DOCK6: variants seen among roughly 807,000 people sequenced by gnomAD.
The protein encoded by DOCK6 is dedicator of cytokinesis protein 6.
In DOCK6, 167 loss-of-function variants were observed where a neutral mutation model predicts 230.3. The observed-to-expected ratio is 0.73, with a 90% confidence interval of 0.64 to 0.82. The LOEUF (loss-of-function observed/expected upper bound fraction) is 0.82. DOCK6 is among the 40% of genes least tolerant of loss of function. DOCK6 has a pLI of 0.00. For synonymous variants in DOCK6, 1,148 were observed against 1,185.0 expected (o/e 0.97, Z 0.64); for missense variants, 2,598 against 2,825.8 (o/e 0.92, Z 1.83).
rs1407959075 is a variant in DOCK6 at position 11,227,330 on chromosome 19, C to T, written c.2955+7G>A. The T allele has an allele frequency of 1.2e-6, 2 of 1,613,494 alleles. No individual in the cohort carries two copies. Among genetic ancestry groups the T allele is most frequent in the Non-Finnish European group, 1.7e-6 (2 of 1,179,602 alleles). On this transcript the variant is annotated splice_region_variant and intron_variant, in intron 24 of 47. Transcript: ENST00000294618. ...TTCTTCCCACATTGAGACCCTGCAT[C>T]TCTCACCTTGTGGACACGGGTGATG...
chr19:11,242,856 T>G (rs990613273), intron 13 of DOCK6, among the ~76,000 whole-genome samples: 1 of 152,162 alleles, frequency 6.6e-6, no homozygotes, highest in African/African-American at 2.4e-5. Context: ...TAACCACCTA[T>G]TGACGCTGTA....
chr19:11,243,532 A>C lies in DOCK6; in HGVS notation c.1258+25T>G, dbSNP rs1399549869. ...CAGCACCACCCTTTAGCCCCGCCCC[A>C]AGCCTGTTAGCCCCGCCTCCTCACC... is the stretch of plus-strand genomic sequence containing the variant. On this transcript the variant is annotated intron_variant, in intron 11 of 47. Transcript: ENST00000294618. The surrounding 1 kb of genome is among the most constrained non-coding windows in gnomAD (Gnocchi z 6.3). The C allele has an allele frequency of 6.4e-7, 1 of 1,574,220 alleles. No homozygotes were observed. Among genetic ancestry groups the C allele is most frequent in the Non-Finnish European group, 8.6e-7 (1 of 1,162,736 alleles).
At chr19:11,238,960 T>C (rs1320309520) in intron 14 of DOCK6, 1 of 154,856 alleles carries the variant, frequency 6.5e-6, no homozygotes, top group East Asian at 1.9e-4. Flanking sequence ...TCGCGCCTAC[T>C]GTGTGCCAGG....
chr19:11,214,358 C>A lies in DOCK6; in HGVS notation c.4255G>T (p.Val1419Phe), dbSNP rs1416156485. ...RESVLGAVLK[V>F]VLYSLGSAQS... ...GCACTGCCCAGGCTGTACAGCACAACCTTCAGCACTGCCCCCAAGACGCTC... is the reference window on the plus strand; with the variant it reads ...GCACTGCCCAGGCTGTACAGCACAAACTTCAGCACTGCCCCCAAGACGCTC... The change falls in exon 34 of 48, where the codon GTT (valine) becomes TTT (phenylalanine). Residue 1419 changes from valine (V) to phenylalanine (F), a missense_variant. Transcript: ENST00000294618. 6.2e-7 allele frequency: 1 copy of A among 1,613,696 alleles called. No individual in the cohort carries two copies. The highest frequency in any genetic ancestry group is 8.5e-7 in the Non-Finnish European group (1 of 1,179,862).
At chr19:11,219,154 G>GGCAT (rs1260659717) in intron 28 of DOCK6, among the ~76,000 whole-genome samples, 1 of 145,032 alleles carries the variant, frequency 6.9e-6, no homozygotes, top group Non-Finnish European at 1.5e-5. Flanking sequence ...TGAGATTACA[G>GGCAT]GCATGAGCCA....
chr19:11,235,698 G>C lies in DOCK6; in HGVS notation c.2454C>G (p.Ser818Arg), dbSNP rs760999714. ...CGCGGGCATCCTGGGCTGCCTCCAG[G>C]CTCCGGTGAACAAGGCTGACTACAT... ...MAHVVSLVHR[S>R]LEAAQDARGH... Residue 818 changes from serine to arginine, a missense_variant, in exon 21 of 48, where the codon AGC becomes AGG. Physicochemically the swap from Ser to Arg is moderately radical, Grantham distance 110. Transcript: ENST00000294618. 46 of 1,601,094 alleles carry C rather than the reference G, an allele frequency of 2.9e-5. No homozygotes were observed. The highest frequency in any genetic ancestry group is 3.7e-5 in the Non-Finnish European group (43 of 1,173,806).
At chr19:11,216,551 G>T (rs11085764) in intron 30 of DOCK6, 1 of 234,374 alleles carries the variant, frequency 4.3e-6, no homozygotes, top group African/African-American at 2.3e-5. Flanking sequence ...GGGACTACAG[G>T]TGCGCGCCAC....
At chr19:11,218,455 T>C (rs1486534042) in intron 28 of DOCK6, among the ~76,000 whole-genome samples, 1 of 151,934 alleles carries the variant, frequency 6.6e-6, no homozygotes, top group Non-Finnish European at 1.5e-5. Flanking sequence ...CCAATTTTAT[T>C]TTATTTTTTT....
intron 41 of DOCK6, chr19:11,203,733 C>T (rs1239110554): frequency 1.0e-5 from 4 of 392,678 alleles, no homozygotes; most frequent in African/African-American, 2.1e-5. Context: ...GGGAGAGCCA[C>T]GTGATAGACT....
chr19:11,219,238 CAGTGACG>C (rs2079544066), intron 28 of DOCK6, among the ~76,000 whole-genome samples: 1 of 123,506 alleles, frequency 8.1e-6, no homozygotes, highest in Non-Finnish European at 1.6e-5. Context: ...GGCTGGAGTG[CAGTGACG>C]CGATCTCGGC....
chr19:11,247,251 G>C (rs976232131), intron 7 of DOCK6: 1 of 151,634 alleles, frequency 6.6e-6, no homozygotes, highest in African/African-American at 2.4e-5. Flanking sequence ...ACCACGTCTG[G>C]CTAATTTTTT....
intron 24 of DOCK6, among the ~76,000 whole-genome samples, chr19:11,226,735 T>G (rs571885753): frequency 6.6e-6 from 1 of 152,274 alleles, no homozygotes; most frequent in African/African-American, 2.4e-5. Flanking sequence ...CAATAAATGC[T>G]CCATATTATT....
In DOCK6 at chr19:11,245,547, C is replaced by G. The variant is rs1043588432; in HGVS notation, c.1023+16G>C. The G allele has an allele frequency of 6.4e-7, 1 of 1,551,768 alleles. No individual in the cohort carries two copies. The highest frequency in any genetic ancestry group is 8.7e-7 in the Non-Finnish European group (1 of 1,146,896). ...CATTCGCCATTACCACCCCCTTGCC[C>G]AGCCCCAGCAGGCACCTTGATGACC... is the stretch of plus-strand genomic sequence containing the variant. On this transcript the variant is annotated intron_variant, in intron 9 of 47. Transcript: ENST00000294618.
intron 22 of DOCK6, chr19:11,229,343 G>A: frequency 8.7e-7 from 1 of 1,148,324 alleles, no homozygotes; most frequent in South Asian, 3.2e-5. Context: ...GGGCCGAGGA[G>A]GAACCCTCGA....
chr19:11,228,002 G>A (rs933585880), intron 23 of DOCK6, among the ~76,000 whole-genome samples: 3 of 150,926 alleles, frequency 2.0e-5, no homozygotes, highest in Non-Finnish European at 3.0e-5. Flanking sequence ...TGATCAGAAA[G>A]CTTTCCCTCT....
Position 11,215,866 on chromosome 19 carries a change from G to A in DOCK6, c.3956C>T (p.Ala1319Val), listed in dbSNP as rs200080349. The change falls in exon 31 of 48, where the codon GCG (alanine) becomes GTG (valine). Residue 1319 changes from alanine (A) to valine (V), a missense_variant. Physicochemically the swap from Ala to Val is moderately conservative, Grantham distance 64. Coordinates refer to ENST00000294618, the MANE Select transcript of DOCK6 (RefSeq NM_020812.4). ...LTFKKSLDMK[A>V]RLEEAILGTI... Reference sequence around the variant, plus strand: ...ACCCAGAATGGCTTCCTCTAGCCGCGCCTTCATATCCAGAGATTTTTTGAA... The same window carrying A: ...ACCCAGAATGGCTTCCTCTAGCCGCACCTTCATATCCAGAGATTTTTTGAA... 2.9e-5 allele frequency: 46 copies of A among 1,613,880 alleles called. No individual in the cohort carries two copies. In the Admixed American group the frequency reaches 3.7e-4, roughly 13 times the overall value.
At chr19:11,260,892 A>AAAAAAAAAAAAAAAAAAAAG (rs1423289379) in intron 1 of DOCK6, among the ~76,000 whole-genome samples, 2 of 148,494 alleles carry the variant, frequency 1.3e-5, no homozygotes, top group African/African-American at 2.5e-5. Flanking sequence ...CAAAAAAAAA[A>AAAAAAAAAAAAAAAAAAAAG]AAAGAAAGAA....
At chr19:11,229,128 C>T in intron 22 of DOCK6, 93 bp from the exon 23 acceptor site, 1 of 1,372,648 alleles carries the variant, frequency 7.3e-7, no homozygotes, top group Non-Finnish European at 1.0e-6. Flanking sequence ...AGCTGGAGGG[C>T]TCGGGGTTAG....
chr19:11,237,023 C>A (rs1351002809), intron 18 of DOCK6, 144 bp from the exon 19 acceptor site: 13 of 778,494 alleles, frequency 1.7e-5, no homozygotes, highest in Non-Finnish European at 2.4e-5. Context: ...CAGCCCTGGT[C>A]CCAGTAGACT....
Sources: gnomAD v4.1 joint callset for allele counts (sites outside exome capture counted in the v4.1 genomes callset) on GRCh38, gnomAD v4.1.1 for gene constraint, Gnocchi (gnomAD v3.1) non-coding constraint, MANE v1.5 for transcripts, NCBI Gene and HGNC (gene_info 2026-07-23, HGNC 2026-07-21) for gene names.